Variants in PRR14L observed in about 807,000 individuals in gnomAD.
PRR14L encodes proline rich 14 like, also known as protein PRR14L.
Under a neutral mutation model 155.0 loss-of-function variants are expected in PRR14L, and 80 were observed. That is an observed-to-expected ratio of 0.52 (90% confidence interval 0.43 to 0.62). The LOEUF is 0.62. PRR14L is among the 20% of genes least tolerant of loss of function. The probability of loss-of-function intolerance (pLI) is 0.00; values close to 1 mark genes in which losing one functional copy is unlikely to be tolerated. For synonymous variants in PRR14L, 883 were observed against 916.0 expected (o/e 0.96, Z 0.65); for missense variants, 2,469 against 2,548.0 (o/e 0.97, Z 0.67).
intron 3 of PRR14L, among the ~76,000 whole-genome samples, chr22:31,721,114 C>A (rs131233): frequency 0.3 from 46,048 of 152,094 alleles, 8,254 homozygotes; most frequent in African/African-American, 0.51. Context: ...TCAGGACAGC[C>A]GAAAGGGTGA....
chr22:31,722,493 G>C (rs1413131954), intron 3 of PRR14L, among the ~76,000 whole-genome samples: 2 of 150,434 alleles, frequency 1.3e-5, no homozygotes, highest in Non-Finnish European at 3.0e-5. Context: ...GAGCCCTGGA[G>C]ACAAGCTTGG....
chr22:31,714,959 T>G lies in PRR14L; in HGVS notation c.2880A>C (p.Glu960Asp). 1 of 1,552,066 alleles carries G rather than the reference T, an allele frequency of 6.4e-7. No individual in the cohort carries two copies. The highest frequency in any genetic ancestry group is 8.7e-7 in the Non-Finnish European group (1 of 1,147,036). ...CTTCATCTGCCTTCTGATCGAGTGT[T>G]TCAACTGATTTTACATTTTTAAAAC... ...FSSFKNVKSVETLDQKADEVL... is the reference protein window; with the variant it reads ...FSSFKNVKSVDTLDQKADEVL... The change falls in exon 4 of 9, where the codon GAA becomes GAC. Residue 960 changes from glutamate to aspartate, a missense_variant. Glu to Asp is a conservative substitution (Grantham distance 45, BLOSUM62 2). Transcript: ENST00000327423.
Position 31,716,691 on chromosome 22 carries a change from T to C in PRR14L, c.1148A>G (p.Tyr383Cys). 1.3e-6 allele frequency: 2 copies of C among 1,551,754 alleles called. No homozygotes were observed. The highest frequency in any genetic ancestry group is 1.7e-6 in the Non-Finnish European group (2 of 1,147,026). The change falls in exon 4 of 9, where the codon TAT (tyrosine) becomes TGT (cysteine). Residue 383 changes from tyrosine (Y) to cysteine (C), a missense_variant. Tyr to Cys is a radical substitution (Grantham distance 194). Around this residue, in one of 2 missense-constraint regions of PRR14L, gnomAD observed 2,363 missense variants for 2,371.6 expected, o/e 1.00. Transcript: ENST00000327423. ...SAEKTDSSYF[Y>C]RGDDQGKNLA... ...GTTCTTCCCTTGATCATCCCCCCTA[T>C]AAAAATAAGAACTGTCTGTCTTTTC...
At chr22:31,693,891 T>C (rs1183590188) in intron 7 of PRR14L, among the ~76,000 whole-genome samples, 1 of 152,256 alleles carries the variant, frequency 6.6e-6, no homozygotes, top group African/African-American at 2.4e-5. Flanking sequence ...AGAAATTCTG[T>C]ACAGTTCTAC....
At chr22:31,718,482 C>G (rs778849929) in intron 3 of PRR14L, among the ~76,000 whole-genome samples, 1 of 150,688 alleles carries the variant, frequency 6.6e-6, no homozygotes, top group Non-Finnish European at 1.5e-5. Context: ...TCTTGATCTC[C>G]TGACCTCATG....
intron 3 of PRR14L, among the ~76,000 whole-genome samples, chr22:31,719,627 T>C (rs1894912481): frequency 6.6e-6 from 1 of 152,174 alleles, no homozygotes; most frequent in Non-Finnish European, 1.5e-5. Flanking sequence ...ATACCAAGTT[T>C]CTAGGGCTTC....
intron 1 of PRR14L, among the ~76,000 whole-genome samples, chr22:31,744,706 C>T (rs1397182455): frequency 6.6e-6 from 1 of 152,212 alleles, no homozygotes; most frequent in Non-Finnish European, 1.5e-5. Context: ...CCTGTGGACT[C>T]AACTCCCTGC....
intron 3 of PRR14L, among the ~76,000 whole-genome samples, chr22:31,719,308 G>A (rs937281455): frequency 6.6e-6 from 1 of 151,860 alleles, no homozygotes; most frequent in Non-Finnish European, 1.5e-5. Context: ...AGCTACTTGG[G>A]AGGCTGAGGC....
intron 6 of PRR14L, among the ~76,000 whole-genome samples, chr22:31,702,735 C>T (rs137962596): frequency 0.015 from 2,274 of 152,174 alleles, 57 homozygotes; most frequent in African/African-American, 0.053. Context: ...AGGCTGGTCT[C>T]GAACTCCTGA....
intron 7 of PRR14L, among the ~76,000 whole-genome samples, chr22:31,694,864 C>G (rs1423381880): frequency 6.6e-6 from 1 of 152,038 alleles, no homozygotes; most frequent in African/African-American, 2.4e-5. Context: ...ATGGGCGGAT[C>G]ATGAGGTCAA....
intron 2 of PRR14L, among the ~76,000 whole-genome samples, chr22:31,735,178 G>A (rs1427083877): frequency 1.3e-5 from 2 of 152,118 alleles, no homozygotes; most frequent in African/African-American, 4.8e-5. Flanking sequence ...GGTGGCTTGC[G>A]CCTGTAATCC....
chr22:31,711,949 T>G (rs1387103586), intron 4 of PRR14L, 134 bp downstream of exon 4: 6 of 812,408 alleles, frequency 7.4e-6, no homozygotes, highest in Admixed American at 5.9e-5. Flanking sequence ...CAGCAGAGAT[T>G]TCGCAAGGTA....
intron 2 of PRR14L, among the ~76,000 whole-genome samples, chr22:31,727,841 G>A (rs1182502029): frequency 6.6e-6 from 1 of 151,884 alleles, no homozygotes; most frequent in Non-Finnish European, 1.5e-5. Flanking sequence ...AATTAGCTGG[G>A]TATGGTGGTG....
chr22:31,706,715 C>T (rs1359751511), intron 4 of PRR14L, among the ~76,000 whole-genome samples: 1 of 152,098 alleles, frequency 6.6e-6, no homozygotes, highest in Non-Finnish European at 1.5e-5. Context: ...AGCCACAGTG[C>T]CCGGCCTGCT....
chr22:31,733,170 T>C, intron 2 of PRR14L, among the ~76,000 whole-genome samples: 1 of 151,932 alleles, frequency 6.6e-6, no homozygotes, highest in Admixed American at 6.6e-5. Flanking sequence ...GTATTTTTAG[T>C]AGCGATGGGG....
intron 7 of PRR14L, among the ~76,000 whole-genome samples, chr22:31,688,925 C>CACACACACACACACAA (rs1165552534): frequency 1.3e-5 from 2 of 151,240 alleles, no homozygotes; most frequent in African/African-American, 4.9e-5. Context: ...CACACACACA[C>CACACACACACACACAA]AAAAACCCTT....
rs1483034803 is a variant in PRR14L at position 31,715,204 on chromosome 22, C to T, written c.2635G>A (p.Gly879Ser). 6.4e-7 allele frequency: 1 copy of T among 1,552,254 alleles called. No individual in the cohort carries two copies. Among genetic ancestry groups the T allele is most frequent in the Non-Finnish European group, 8.7e-7 (1 of 1,147,130 alleles). The change falls in exon 4 of 9, where the codon GGC becomes AGC. Residue 879 changes from glycine to serine, a missense_variant. Physicochemically the swap from Gly to Ser is moderately conservative, Grantham distance 56 (BLOSUM62 0). Coordinates refer to ENST00000327423, the MANE Select transcript of PRR14L (RefSeq NM_173566.3). ...GDKIRNKMVA[G>S]LLNSGISNKT... is the part of the protein sequence containing the mutation. ...TTTGAAATTCCACTATTTAACAAGC[C>T]TGCTACCATTTTGTTTCTGATCTTA... is the stretch of plus-strand genomic sequence containing the variant.
intron 7 of PRR14L, among the ~76,000 whole-genome samples, chr22:31,699,151 C>T (rs1266123182): frequency 6.6e-6 from 1 of 152,072 alleles, no homozygotes; most frequent in African/African-American, 2.4e-5. Flanking sequence ...ACTCTCCTGC[C>T]TCAGCCTCCC....
intron 2 of PRR14L, 89 bp from the exon 3 acceptor site, chr22:31,725,699 T>C: frequency 1.2e-6 from 1 of 837,800 alleles, no homozygotes; most frequent in South Asian, 1.7e-5. Context: ...TGAGACAGAG[T>C]CTTGCTGTTC....
Sources: gnomAD v4.1 joint callset for allele counts (sites outside exome capture counted in the v4.1 genomes callset) on GRCh38, gnomAD v4.1.1 for gene constraint, gnomAD v4.1.1 regional missense constraint, MANE v1.5 for transcripts, NCBI Gene and HGNC (gene_info 2026-07-23, HGNC 2026-07-21) for gene names.